Variants in CHRDL1 observed in about 807,000 individuals in gnomAD.
The protein encoded by CHRDL1 is chordin-like protein 1.
A neutral mutation model predicts 40.9 loss-of-function variants in CHRDL1; 19 were observed. The ratio of observed to expected loss-of-function variants is 0.46; its 90% CI spans 0.32 to 0.68. CHRDL1 has a LOEUF of 0.68. CHRDL1 is among the 30% of genes least tolerant of loss of function. The probability of loss-of-function intolerance (pLI) is 0.03; values close to 1 mark genes in which losing one functional copy is unlikely to be tolerated. For synonymous variants in CHRDL1, 136 were observed against 123.4 expected (o/e 1.10, Z -0.68); for missense variants, 329 against 352.1 (o/e 0.93, Z 0.53).
rs190733145 is a variant in CHRDL1 at position 110,710,229 on chromosome X, T to C, written c.542-9508A>G. Among the ~76,000 whole-genome samples the C allele has an allele frequency of 3.3e-3, 368 of 111,893 alleles. 3 individuals carry two copies. Among genetic ancestry groups the C allele is most frequent in the African/African-American group, 0.011 (349 of 30,757 alleles). ...AAACCAGGTTGATTTCTATAAATTG[T>C]TGGAGTCTAAGCTCATAAAGACTAT... On this transcript the variant is annotated intron_variant, in intron 6 of 11. Transcript: ENST00000372042.
chrX:110,678,898 A>G (rs1303713711), intron 11 of CHRDL1, among the ~76,000 whole-genome samples: 1 of 111,217 alleles, frequency 9.0e-6, no homozygotes, highest in African/African-American at 3.3e-5. Flanking sequence ...CCCCAGGAGT[A>G]AAAGTGCTTT....
At chrX:110,792,321 T>C (rs1437475684) in intron 1 of CHRDL1, 106 bp from the exon 2 acceptor site, 1 of 411,510 alleles carries the variant, frequency 2.4e-6, no homozygotes, top group African/African-American at 2.6e-5. Flanking sequence ...AAAAATGTCC[T>C]AGAATTTACA....
chrX:110,717,160 C>T (rs894564444), intron 6 of CHRDL1, among the ~76,000 whole-genome samples: 4 of 111,627 alleles, frequency 3.6e-5, no homozygotes, highest in African/African-American at 9.8e-5. Flanking sequence ...TCAGAATGAA[C>T]GATGGGGTCT....
intron 4 of CHRDL1, among the ~76,000 whole-genome samples, chrX:110,738,667 G>T (rs197041): frequency 0.11 from 11,299 of 107,149 alleles, 1,683 homozygotes; most frequent in African/African-American, 0.37. Flanking sequence ...GCGTGAACCC[G>T]GGAGGTGGAG....
intron 5 of CHRDL1, among the ~76,000 whole-genome samples, chrX:110,720,394 T>C (rs1170087845): frequency 8.9e-6 from 1 of 112,060 alleles, no homozygotes; most frequent in African/African-American, 3.2e-5. Context: ...TACAAGATGA[T>C]CTGATGGCCA....
intron 4 of CHRDL1, among the ~76,000 whole-genome samples, chrX:110,747,842 A>G (rs956398099): frequency 1.8e-5 from 2 of 112,260 alleles, no homozygotes; most frequent in African/African-American, 6.5e-5. Flanking sequence ...CACATCCATA[A>G]TCAATATAGT....
At chrX:110,684,844 G>C (rs1245973084) in intron 9 of CHRDL1, among the ~76,000 whole-genome samples, 1 of 112,334 alleles carries the variant, frequency 8.9e-6, no homozygotes, top group Non-Finnish European at 1.9e-5. Context: ...TGACTAAGGA[G>C]TGATTCAACA....
intron 5 of CHRDL1, among the ~76,000 whole-genome samples, chrX:110,721,132 C>T (rs1226087280): frequency 1.8e-5 from 2 of 112,262 alleles, no homozygotes; most frequent in Non-Finnish European, 1.9e-5. Flanking sequence ...TCAACACAAA[C>T]AGCTCACCTT....
chrX:110,794,581 A>G (rs1456346747), intron 1 of CHRDL1, among the ~76,000 whole-genome samples: 4 of 112,870 alleles, frequency 3.5e-5, no homozygotes, highest in African/African-American at 9.7e-5. Flanking sequence ...CCATGAAACA[A>G]GCATTCACAT....
intron 8 of CHRDL1, among the ~76,000 whole-genome samples, chrX:110,689,941 C>CTATATATCTATATATATCTATATATCTA (rs2070220484): frequency 2.8e-4 from 3 of 10,641 alleles, no homozygotes; most frequent in South Asian, 3.5e-3. Flanking sequence ...CTATATATAT[C>CTATATATCTATATATATCTATATATCTA]TATATATCTA....
chrX:110,711,785 G>A (rs1022950606), intron 6 of CHRDL1, among the ~76,000 whole-genome samples: 5 of 111,972 alleles, frequency 4.5e-5, no homozygotes, highest in Admixed American at 9.5e-5. Flanking sequence ...CTGCTCTTTC[G>A]GAAAGAGAAA....
At chrX:110,721,839 C>T (rs1472779169) in intron 4 of CHRDL1, among the ~76,000 whole-genome samples, 1 of 112,211 alleles carries the variant, frequency 8.9e-6, no homozygotes, top group Non-Finnish European at 1.9e-5. Flanking sequence ...GATCAGAGAA[C>T]ATGGACAAGG....
intron 2 of CHRDL1, among the ~76,000 whole-genome samples, chrX:110,763,511 T>TAC (rs2148510460): frequency 9.3e-6 from 1 of 107,426 alleles, no homozygotes; most frequent in African/African-American, 3.4e-5. Context: ...CATATATATA[T>TAC]ACACACATAT....
intron 5 of CHRDL1, among the ~76,000 whole-genome samples, chrX:110,720,900 T>G (rs984461841): frequency 3.8e-4 from 42 of 111,788 alleles, no homozygotes; most frequent in African/African-American, 1.3e-3. Flanking sequence ...GACCAAGCAT[T>G]TATAGAGAGT....
chrX:110,720,609 C>T (rs1479750413), intron 5 of CHRDL1, among the ~76,000 whole-genome samples: 1 of 111,687 alleles, frequency 9.0e-6, no homozygotes, highest in Non-Finnish European at 1.9e-5. Context: ...GAAAATTCTC[C>T]TAAACTACTG....
At chrX:110,722,938 T>G (rs2070988176) in intron 4 of CHRDL1, among the ~76,000 whole-genome samples, 1 of 110,741 alleles carries the variant, frequency 9.0e-6, no homozygotes, top group African/African-American at 3.3e-5. Context: ...AAGTTATACC[T>G]CAATACAACT....
In CHRDL1 at chrX:110,721,419, C is replaced by T. The variant is rs2070949941; in HGVS notation, c.413G>A (p.Arg138Gln). The change falls in exon 5 of 12, where the codon CGG becomes CAG. Residue 138 changes from arginine to glutamine, a missense_variant. By Grantham distance (43) the Arg-to-Gln change is conservative. Transcript: ENST00000372042. ...LFVAEGLFQN[R>Q]QPNQCTQCSC... ...GCACTGGGTGCATTGATTGGGTTGC[C>T]GATTCTGAAAGAGCCCTTCAGCTAC... The T allele has an allele frequency of 4.1e-6, 5 of 1,209,095 alleles. No homozygotes were observed. The highest frequency in any genetic ancestry group is 2.2e-5 in the Admixed American group (1 of 45,795).
chrX:110,726,343 T>C (rs1271780142), intron 4 of CHRDL1, among the ~76,000 whole-genome samples: 1 of 111,737 alleles, frequency 8.9e-6, no homozygotes, highest in East Asian at 2.8e-4. Context: ...TTAGTGCTTT[T>C]AATAGAAGAG....
intron 10 of CHRDL1, among the ~76,000 whole-genome samples, 189 bp from the exon 11 acceptor site, chrX:110,679,614 T>G (rs2069852549): frequency 8.9e-6 from 1 of 112,170 alleles, no homozygotes; most frequent in African/African-American, 3.2e-5. Context: ...TTTGTTTCCT[T>G]GGCTTACTGG....
Sources: gnomAD v4.1 joint callset for allele counts (sites outside exome capture counted in the v4.1 genomes callset) on GRCh38, gnomAD v4.1.1 for gene constraint, MANE v1.5 for transcripts, NCBI Gene and HGNC (gene_info 2026-07-23, HGNC 2026-07-21) for gene names.